Variants in DYRK1A observed in about 807,000 individuals in gnomAD.
DYRK1A encodes the protein dual specificity tyrosine-phosphorylation-regulated kinase 1A.
Under a neutral mutation model 79.7 loss-of-function variants are expected in DYRK1A, and 9 were observed. The ratio of observed to expected loss-of-function variants is 0.11; its 90% CI spans 0.07 to 0.20. The LOEUF is 0.20. Among genes scored for constraint, DYRK1A ranks in the 10% least tolerant of loss-of-function variants. The pLI, the probability that DYRK1A is intolerant of heterozygous loss-of-function variation, is 1.00. For synonymous variants in DYRK1A, 349 were observed against 329.7 expected, an observed-to-expected ratio of 1.06 and a Z score of -0.63; for missense variants, 622 against 956.0, an observed-to-expected ratio of 0.65 and a Z score of 4.61.
At chr21:37,467,179 CA>C (rs1230870818) in intron 2 of DYRK1A, among the ~76,000 whole-genome samples, 1 of 151,800 alleles carries the variant, frequency 6.6e-6, no homozygotes, top group Admixed American at 6.6e-5. Context: ...AAGGTTTCAC[CA>C]GTGAATCTAC....
intron 3 of DYRK1A, among the ~76,000 whole-genome samples, chr21:37,476,579 C>T (rs1222869474): frequency 6.6e-6 from 1 of 152,136 alleles, no homozygotes; most frequent in Non-Finnish European, 1.5e-5. Flanking sequence ...AAAGAAAAGA[C>T]ATTTAAGGGA....
chr21:37,476,437 T>C (rs2052395365), intron 3 of DYRK1A, among the ~76,000 whole-genome samples: 1 of 152,254 alleles, frequency 6.6e-6, no homozygotes, highest in Admixed American at 6.5e-5. Context: ...ACTTTTATTA[T>C]AGCAGTAATG....
chr21:37,366,604 G>A (rs1183814233), upstream of DYRK1A, among the ~76,000 whole-genome samples: 6 of 151,668 alleles, frequency 4.0e-5, no homozygotes, highest in Admixed American at 1.3e-4. Context: ...CACGTGACCT[G>A]AGGGGGTTGG....
At chr21:37,383,292 C>G (rs922163321) in intron 1 of DYRK1A, among the ~76,000 whole-genome samples, 1 of 152,222 alleles carries the variant, frequency 6.6e-6, no homozygotes, top group East Asian at 1.9e-4. Context: ...GTATAAGTTG[C>G]AGTGACTGAG....
chr21:37,433,288 G>A (rs2050829780), intron 2 of DYRK1A, among the ~76,000 whole-genome samples: 1 of 152,100 alleles, frequency 6.6e-6, no homozygotes, highest in Non-Finnish European at 1.5e-5. Flanking sequence ...CCAAAGGAAA[G>A]TAGGAGTGCC....
At chr21:37,472,533 T>C (rs531744665) in intron 2 of DYRK1A, 151 bp from the exon 3 acceptor site, 1 of 464,314 alleles carries the variant, frequency 2.2e-6, no homozygotes, top group South Asian at 6.7e-5. Flanking sequence ...ACATAACTGT[T>C]GTGTTGAGTA....
At chr21:37,413,432 A>AT (rs2050278699) in intron 1 of DYRK1A, among the ~76,000 whole-genome samples, 5 of 152,138 alleles carry the variant, frequency 3.3e-5, no homozygotes. Context: ...GTGTGTATAT[A>AT]TTGTATTATA....
At chr21:37,448,362 A>G (rs1272945469) in intron 2 of DYRK1A, among the ~76,000 whole-genome samples, 1 of 152,170 alleles carries the variant, frequency 6.6e-6, no homozygotes, top group Non-Finnish European at 1.5e-5. Context: ...GGAGGGTCCC[A>G]TAATCAGAGT....
intron 1 of DYRK1A, among the ~76,000 whole-genome samples, chr21:37,373,138 C>A (rs2049466412): frequency 1.3e-5 from 2 of 151,846 alleles, no homozygotes; most frequent in Non-Finnish European, 1.5e-5. Flanking sequence ...CACTCCTTAG[C>A]CATGTCATCT....
At chr21:37,438,313 T>G (rs1408907047) in intron 2 of DYRK1A, among the ~76,000 whole-genome samples, 1 of 152,192 alleles carries the variant, frequency 6.6e-6, no homozygotes, top group Non-Finnish European at 1.5e-5. Flanking sequence ...TGTTTTCAAT[T>G]TTTATGAAGC....
intron 2 of DYRK1A, 28 bp downstream of exon 2, chr21:37,420,412 ACT>A: frequency 1.2e-6 from 2 of 1,609,650 alleles, no homozygotes; most frequent in Non-Finnish European, 1.7e-6. Flanking sequence ...ATACAGTAAA[ACT>A]CTGGCTAAGA....
Position 37,506,127 on chromosome 21 carries a change from G to A in DYRK1A, c.1548G>A (p.Gly516=), listed in dbSNP as rs762621853. 5.0e-6 allele frequency: 8 copies of A among 1,613,408 alleles called. No homozygotes were observed. The South Asian group carries it at 7.7e-5, about 16-fold the overall frequency. ...GCTCATCGGGGACAAGCAACAGTGG[G>A]AGAGCCCGGTCGGATCCGACGCACC... ...SGGSSGTSNS[G]RARSDPTHQH... Residue 516 remains glycine (G), a synonymous_variant, in exon 11 of 12, where the codon GGG becomes GGA. Transcript: ENST00000647188.
At chr21:37,472,924 T>G (rs537572813) in intron 3 of DYRK1A, 44 bp downstream of exon 3, 3 of 1,370,784 alleles carry the variant, frequency 2.2e-6, no homozygotes, top group Admixed American at 4.8e-5. Context: ...AATGGCAGTT[T>G]ATTCCTTAAA....
intron 1 of DYRK1A, among the ~76,000 whole-genome samples, chr21:37,411,049 T>TCAAAAAAAAAAAAAAAAAAAAA (rs1391560478): frequency 1.8e-5 from 1 of 56,410 alleles, no homozygotes; most frequent in Admixed American, 2.9e-4. Flanking sequence ...ATTCTGTCTT[T>TCAAAAAAAAAAAAAAAAAAAAA]AAAAAAAAAA....
chr21:37,459,005 G>C (rs1223505737), intron 2 of DYRK1A, among the ~76,000 whole-genome samples: 1 of 152,200 alleles, frequency 6.6e-6, no homozygotes, highest in Non-Finnish European at 1.5e-5. Context: ...GCAGTTCACT[G>C]TTTTGTGTGT....
chr21:37,430,185 C>A, intron 2 of DYRK1A: 1 of 549,362 alleles, frequency 1.8e-6, no homozygotes, highest in Non-Finnish European at 2.3e-6. Context: ...AGCTGTTACC[C>A]ACCAGTTACT....
intron 1 of DYRK1A, 109 bp downstream of exon 1, chr21:37,367,737 ATT>A (rs2049339575): frequency 7.3e-6 from 1 of 136,880 alleles, no homozygotes; most frequent in South Asian, 2.7e-4. Context: ...GGGACCTGCC[ATT>A]TTAGGAGGAG....
intron 5 of DYRK1A, 44 bp downstream of exon 5, chr21:37,480,870 T>A (rs1424566540): frequency 1.3e-6 from 2 of 1,488,190 alleles, no homozygotes; most frequent in Non-Finnish European, 1.8e-6. Flanking sequence ...TAGAAAGAAC[T>A]TCTTAGTGAA....
At chr21:37,434,721 A>G (rs958387450) in intron 2 of DYRK1A, among the ~76,000 whole-genome samples, 27 of 152,194 alleles carry the variant, frequency 1.8e-4, no homozygotes, top group African/African-American at 6.3e-4. Flanking sequence ...TTTTGAAGCT[A>G]TATATTAAAG....
Sources: allele counts gnomAD v4.1 joint callset (sites outside exome capture counted in the v4.1 genomes callset), GRCh38; gene constraint gnomAD v4.1.1; transcripts MANE v1.5; gene names NCBI Gene and HGNC (gene_info 2026-07-23, HGNC 2026-07-21).